Variants in GABRG3 observed in about 807,000 individuals in gnomAD.
GABRG3 encodes the protein gamma-aminobutyric acid receptor subunit gamma-3.
GABRG3 carries 25 observed loss-of-function variants against 48.8 expected under a neutral mutation model. That is an observed-to-expected ratio of 0.51 (90% CI 0.37 to 0.72). The LOEUF is 0.72. Ranked by LOEUF, GABRG3 falls within the 30% of genes least tolerant of loss-of-function variation. The pLI is 0.00. For missense variants in GABRG3, 394 were observed against 577.9 expected (o/e 0.68, Z 3.26); for synonymous variants, 227 against 217.6 (o/e 1.04, Z -0.38).
intron 5 of GABRG3, among the ~76,000 whole-genome samples, chr15:27,472,250 T>G (rs908310429): frequency 6.6e-6 from 1 of 152,150 alleles, no homozygotes; most frequent in Admixed American, 6.6e-5. Context: ...TTCTGTCTTC[T>G]GGATATGTAA....
intron 3 of GABRG3, among the ~76,000 whole-genome samples, chr15:27,139,455 T>C (rs1041839756): frequency 6.6e-6 from 1 of 152,158 alleles, no homozygotes; most frequent in Non-Finnish European, 1.5e-5. Flanking sequence ...GTGATGGGGA[T>C]CATCCTTTCT....
intron 5 of GABRG3, among the ~76,000 whole-genome samples, chr15:27,384,432 T>C (rs1200678398): frequency 1.3e-5 from 2 of 152,122 alleles, no homozygotes; most frequent in African/African-American, 4.8e-5. Flanking sequence ...TAAGAGAGCA[T>C]TTTAATAGAA....
At chr15:27,410,842 G>T (rs540392661) in intron 5 of GABRG3, among the ~76,000 whole-genome samples, 1 of 123,392 alleles carries the variant, frequency 8.1e-6, no homozygotes, top group South Asian at 3.0e-4. Flanking sequence ...ACGTGCGCAC[G>T]CTCGTGTGTG....
chr15:27,531,147 C>G (rs1891413908), intron 9 of GABRG3, among the ~76,000 whole-genome samples: 1 of 152,108 alleles, frequency 6.6e-6, no homozygotes, highest in Non-Finnish European at 1.5e-5. Flanking sequence ...CACCGTGAGG[C>G]CCCAATGGTA....
chr15:27,106,253 A>G (rs2140367876), intron 3 of GABRG3, among the ~76,000 whole-genome samples: 1 of 152,210 alleles, frequency 6.6e-6, no homozygotes, highest in South Asian at 2.1e-4. Context: ...CATTCCTGGG[A>G]AATAAGTAGA....
At chr15:27,149,414 A>G (rs1023260229) in intron 3 of GABRG3, among the ~76,000 whole-genome samples, 5 of 151,786 alleles carry the variant, frequency 3.3e-5, no homozygotes, top group Non-Finnish European at 5.9e-5. Flanking sequence ...AATAGCTCCA[A>G]ATTGATCTAG....
intron 3 of GABRG3, among the ~76,000 whole-genome samples, chr15:27,142,552 T>C (rs990943685): frequency 4.6e-5 from 7 of 152,108 alleles, no homozygotes; most frequent in African/African-American, 1.4e-4. Context: ...TCCCACAACA[T>C]GTGGGAATTG....
intron 5 of GABRG3, among the ~76,000 whole-genome samples, chr15:27,346,648 CTTAT>C (rs1894384647): frequency 9.1e-6 from 1 of 109,508 alleles, no homozygotes; most frequent in African/African-American, 3.5e-5. Flanking sequence ...GCTTTTTTTC[CTTAT>C]TTGTTTGAGA....
At chr15:27,329,352 C>T (rs1202890796) in intron 5 of GABRG3, among the ~76,000 whole-genome samples, 1 of 152,138 alleles carries the variant, frequency 6.6e-6, no homozygotes, top group Non-Finnish European at 1.5e-5. Flanking sequence ...CAACCTCTGC[C>T]TCCCGGGATT....
At chr15:27,181,763 G>C (rs996289896) in intron 3 of GABRG3, among the ~76,000 whole-genome samples, 1 of 152,182 alleles carries the variant, frequency 6.6e-6, no homozygotes, top group East Asian at 1.9e-4. Flanking sequence ...AGATCCCAAC[G>C]CTCAGAAGTG....
At chr15:27,019,520 A>G (rs1895847549) in intron 2 of GABRG3, among the ~76,000 whole-genome samples, 2 of 152,222 alleles carry the variant, frequency 1.3e-5, no homozygotes. Flanking sequence ...GGGAACAGGA[A>G]TGCTACTGCA....
intron 3 of GABRG3, among the ~76,000 whole-genome samples, chr15:27,224,037 T>TG (rs952525699): frequency 2.6e-5 from 4 of 152,048 alleles, no homozygotes. Context: ...GGCACCTGGG[T>TG]GGGGTACCCA....
intron 3 of GABRG3, among the ~76,000 whole-genome samples, chr15:27,138,824 C>T (rs1898053342): frequency 6.6e-6 from 1 of 152,206 alleles, no homozygotes; most frequent in African/African-American, 2.4e-5. Flanking sequence ...TTTTTCTTCT[C>T]TCTGGAGGCT....
chr15:27,285,764 T>C (rs1252032318), intron 3 of GABRG3, among the ~76,000 whole-genome samples: 2 of 152,108 alleles, frequency 1.3e-5, no homozygotes, highest in African/African-American at 2.4e-5. Context: ...AGGCCTATGG[T>C]GGGGAAATGG....
At chr15:27,410,204 G>A (rs548938080) in intron 5 of GABRG3, among the ~76,000 whole-genome samples, 6 of 152,102 alleles carry the variant, frequency 3.9e-5, no homozygotes, top group South Asian at 2.1e-4. Flanking sequence ...CTATTGTTAC[G>A]GTGGATAACA....
At chr15:27,386,681 G>A (rs1224978553) in intron 5 of GABRG3, among the ~76,000 whole-genome samples, 1 of 152,164 alleles carries the variant, frequency 6.6e-6, no homozygotes, top group East Asian at 1.9e-4. Flanking sequence ...TATGGAGCTT[G>A]AATTGGATGT....
chr15:27,324,698 C>T (rs1326183572), intron 3 of GABRG3, among the ~76,000 whole-genome samples: 1 of 152,174 alleles, frequency 6.6e-6, no homozygotes, highest in East Asian at 1.9e-4. Flanking sequence ...AGCCAACTTT[C>T]TACCTGAGGC....
At chr15:27,312,355 G>C (rs1214961922) in intron 3 of GABRG3, among the ~76,000 whole-genome samples, 1 of 152,066 alleles carries the variant, frequency 6.6e-6, no homozygotes, top group Non-Finnish European at 1.5e-5. Context: ...TGGAAGAAGA[G>C]AAAGAGAAAC....
chr15:27,412,831 C>T (rs902060623), intron 5 of GABRG3, among the ~76,000 whole-genome samples: 1 of 152,098 alleles, frequency 6.6e-6, no homozygotes, highest in Non-Finnish European at 1.5e-5. Context: ...TATGACTTCC[C>T]TTAAGGAAAT....
Sources: gnomAD v4.1 joint callset for allele counts (sites outside exome capture counted in the v4.1 genomes callset) on GRCh38, gnomAD v4.1.1 for gene constraint, MANE v1.5 for transcripts, NCBI Gene and HGNC (gene_info 2026-07-23, HGNC 2026-07-21) for gene names.